The following PCNA variants were observed in gnomAD, a reference collection of about 807,000 sequenced individuals.
PCNA encodes the protein DNA sliding clamp PCNA.
PCNA carries 4 observed loss-of-function variants against 27.8 expected under a neutral mutation model. That is an observed-to-expected ratio of 0.14 (90% confidence interval 0.07 to 0.33). The LOEUF (loss-of-function observed/expected upper bound fraction) is 0.33. Ranked by LOEUF, PCNA falls within the 10% of genes least tolerant of loss-of-function variation. The pLI is 1.00. For missense variants in PCNA, 165 were observed against 327.4 expected (o/e 0.50, Z 3.83); for synonymous variants, 121 against 119.4 (o/e 1.01, Z -0.09).
In PCNA at chr20:5,115,310, G is replaced by C; in HGVS notation, c.759C>G (p.Pro253=). ...AAGATCCTTCTTCATCCTCGATCTT[G>C]GGAGCCAAGTAGTATTTTAAGTGTC... The part of the protein sequence containing the change: ...DMGHLKYYLA[P]KIEDEEGS The change falls in exon 6 of 6, where the codon CCC becomes CCG. Residue 253 remains proline (P), a synonymous_variant. Transcript: ENST00000379143. 6.2e-7 allele frequency: 1 copy of C among 1,613,592 alleles called. No individual in the cohort carries two copies. The highest frequency in any genetic ancestry group is 8.5e-7 in the Non-Finnish European group (1 of 1,179,586).
intron 3 of PCNA, 96 bp downstream of exon 3, chr20:5,118,514 G>A (rs993205611): frequency 1.1e-6 from 1 of 906,432 alleles, no homozygotes; most frequent in Non-Finnish European, 1.7e-6. Context: ...CTGGGCAACA[G>A]AGCCAAGACC....
chr20:5,117,814 C>G, intron 3 of PCNA, 150 bp from the exon 4 acceptor site: 2 of 556,554 alleles, frequency 3.6e-6, no homozygotes, highest in Non-Finnish European at 6.4e-6. Flanking sequence ...TTAACAAACT[C>G]CACTCAAAAA....
chr20:5,121,961 C>CT (rs10712799), upstream of PCNA, among the ~76,000 whole-genome samples: 34 of 143,468 alleles, frequency 2.4e-4, no homozygotes, highest in Admixed American at 5.5e-4. Context: ...CTTAGAATTT[C>CT]TTTTTTTTTT....
In PCNA at chr20:5,119,953, T is replaced by C; in HGVS notation, c.-155A>G. On this transcript the variant is annotated 5_prime_UTR_variant, in exon 1 of 6. Coordinates refer to ENST00000379143, the MANE Select transcript of PCNA (RefSeq NM_182649.2). ...GACCACTCTGCTACGCCTGCAACCGTTTAATGCCGCCGCGTCCGCAAGCGC... is the reference window on the plus strand; with the variant it reads ...GACCACTCTGCTACGCCTGCAACCGCTTAATGCCGCCGCGTCCGCAAGCGC... 1 of 634,274 alleles carries C rather than the reference T, an allele frequency of 1.6e-6. No individual in the cohort carries two copies. Among genetic ancestry groups the C allele is most frequent in the Non-Finnish European group, 2.7e-6 (1 of 364,286 alleles). 39.3% of individuals were successfully genotyped at this position (634,274 alleles called of 1,614,324 possible). A position where few individuals can be genotyped will look rare whatever the true frequency, so the allele number is the denominator to read the frequency against.
chr20:5,120,546 ACT>A (rs1491226135), upstream of PCNA, among the ~76,000 whole-genome samples: 1 of 141,012 alleles, frequency 7.1e-6, no homozygotes, highest in East Asian at 1.9e-4. Flanking sequence ...GTTCGAATAC[ACT>A]TTTTTTTTTT....
At chr20:5,116,343 A>G (rs182103772) in intron 4 of PCNA, among the ~76,000 whole-genome samples, 3 of 152,120 alleles carry the variant, frequency 2.0e-5, no homozygotes, top group African/African-American at 7.2e-5. Flanking sequence ...ACAAAGAAAA[A>G]CAGAAAAAGA....
rs539403775 is a variant in PCNA at position 5,117,819 on chromosome 20, C to T, written c.388-155G>A. Among the ~76,000 whole-genome samples the T allele has an allele frequency of 7.7e-4, 118 of 152,264 alleles. No individual in the cohort carries two copies. In the Middle Eastern group the frequency reaches 0.01, roughly 13 times the overall value. The stretch of plus-strand genomic sequence containing the variant: ...GCGTAATTTCTTAACAAACTCCACT[C>T]AAAAAAATAAATGGCTATTAAATGC... On this transcript the variant is annotated intron_variant, in intron 3 of 5. Coordinates refer to ENST00000379143, the MANE Select transcript of PCNA (RefSeq NM_182649.2).
In PCNA at chr20:5,119,870, G is replaced by T; in HGVS notation, c.-72C>A. On this transcript the variant is annotated 5_prime_UTR_variant, in exon 1 of 6. Coordinates refer to ENST00000379143, the MANE Select transcript of PCNA (RefSeq NM_182649.2). ...AAAGTCTAGCTGGTTTCGGCTTCAG[G>T]AGCCTCAGAGCGAGCGGGCGAACGT... 1.6e-6 allele frequency: 2 copies of T among 1,228,996 alleles called. No individual in the cohort carries two copies. Among genetic ancestry groups the T allele is most frequent in the Non-Finnish European group, 2.3e-6 (2 of 863,454 alleles). The allele number at this position is 1,228,996 out of a possible 1,614,324, so 76.1% of individuals were successfully genotyped here. A position where few individuals can be genotyped will look rare whatever the true frequency, so the allele number is the denominator to read the frequency against.
Position 5,118,755 on chromosome 20 carries a change from A to C in PCNA, c.319+14T>G, listed in dbSNP as rs1191116070. 6.2e-7 allele frequency: 1 copy of C among 1,612,110 alleles called. No individual in the cohort carries two copies. Among genetic ancestry groups the C allele is most frequent in the African/African-American group, 1.3e-5 (1 of 74,896 alleles). On this transcript the variant is annotated intron_variant, in intron 2 of 5. Coordinates refer to ENST00000379143, the MANE Select transcript of PCNA (RefSeq NM_182649.2). ...TTCTGTAGCTTCGTGACTCGGTAAA[A>C]AGGTACGACTTACTTGGTGCTTCAA...
upstream of PCNA, among the ~76,000 whole-genome samples, chr20:5,123,199 C>T (rs936570201): frequency 2.0e-5 from 3 of 152,130 alleles, no homozygotes; most frequent in Non-Finnish European, 2.9e-5. Context: ...TGCAGAGAGG[C>T]TGGGGTGAGC....
intron 1 of PCNA, 49 bp downstream of exon 1, chr20:5,119,529 C>G: frequency 6.7e-7 from 1 of 1,485,060 alleles, no homozygotes; most frequent in Non-Finnish European, 9.3e-7. Context: ...CGCCAAGCAC[C>G]GGAGGTGCAG....
chr20:5,115,411 G>T, intron 5 of PCNA, 38 bp downstream of exon 5: 1 of 1,613,542 alleles, frequency 6.2e-7, no homozygotes, highest in South Asian at 1.1e-5. Flanking sequence ...TATCACATAT[G>T]ACTACCTACA....
At position 5,115,268 on chromosome 20, in the gene PCNA, G is replaced by C. The variant is rs775582825; in HGVS notation, c.*15C>G. The C allele has an allele frequency of 6.2e-7, 1 of 1,602,750 alleles. No individual in the cohort carries two copies. Among genetic ancestry groups the C allele is most frequent in the Admixed American group, 1.7e-5 (1 of 59,846 alleles). ...TCAAAGAGCTTAGTTTTATTTTCTT[G>C]AATTTTAAGAATGCCTAAGATCCTT... On this transcript the variant is annotated 3_prime_UTR_variant, in exon 6 of 6. Coordinates refer to ENST00000379143, the MANE Select transcript of PCNA (RefSeq NM_182649.2).
intron 4 of PCNA, 86 bp downstream of exon 4, chr20:5,117,380 TTCTG>T (rs1471130211): frequency 3.9e-5 from 34 of 878,328 alleles, no homozygotes; most frequent in East Asian, 3.1e-4. Flanking sequence ...TGGGATCCAA[TTCTG>T]TCTACTTTTA....
chr20:5,124,555 G>C (rs910314508), upstream of PCNA, among the ~76,000 whole-genome samples: 1 of 150,180 alleles, frequency 6.7e-6, no homozygotes, highest in African/African-American at 2.5e-5. Flanking sequence ...GCTTGAACCT[G>C]GGAGGCGGAG....
rs1019580448 is a variant in PCNA at position 5,119,945 on chromosome 20, T to C, written c.-147A>G. 7 of 648,926 alleles carry C rather than the reference T, an allele frequency of 1.1e-5. No individual in the cohort carries two copies. In the Admixed American group the frequency reaches 1.6e-4, roughly 15 times the overall value. 40.2% of individuals were successfully genotyped at this position (648,926 alleles called of 1,614,324 possible). ...AAGACAACGACCACTCTGCTACGCC[T>C]GCAACCGTTTAATGCCGCCGCGTCC... On this transcript the variant is annotated 5_prime_UTR_variant, in exon 1 of 6. Transcript: ENST00000379143.
rs897607223 is a variant in PCNA at position 5,118,513 on chromosome 20, A to C, written c.387+97T>G. The C allele has an allele frequency of 1.9e-5, 17 of 896,934 alleles. 1 individual carries two copies. The South Asian group carries it at 2.5e-4, about 13-fold the overall frequency. 55.6% of individuals were successfully genotyped at this position (896,934 alleles called of 1,614,324 possible). A position where few individuals can be genotyped will look rare whatever the true frequency, so the allele number is the denominator to read the frequency against. ...ACTACTGCACTCCAGCCTGGGCAAC[A>C]GAGCCAAGACCCTGTCTGTAAAAAT... On this transcript the variant is annotated intron_variant, in intron 3 of 5. Coordinates refer to ENST00000379143, the MANE Select transcript of PCNA (RefSeq NM_182649.2).
Position 5,119,830 on chromosome 20 carries a change from C to A in PCNA, c.-32G>T. Reference sequence around the variant, plus strand: ...GGAGTGGCAACAACGCCGCTACAGGCAGGCGGGAAGGAGGAAAGTCTAGCT... The same window carrying A: ...GGAGTGGCAACAACGCCGCTACAGGAAGGCGGGAAGGAGGAAAGTCTAGCT... On this transcript the variant is annotated 5_prime_UTR_variant, in exon 1 of 6. Coordinates refer to ENST00000379143, the MANE Select transcript of PCNA (RefSeq NM_182649.2). 1 of 1,517,884 alleles carries A rather than the reference C, an allele frequency of 6.6e-7. No individual in the cohort carries two copies. Among genetic ancestry groups the A allele is most frequent in the East Asian group, 2.4e-5 (1 of 40,950 alleles). 94.0% of individuals were successfully genotyped at this position (1,517,884 alleles called of 1,614,324 possible).
upstream of PCNA, chr20:5,120,128 G>C: frequency 3.1e-6 from 1 of 319,138 alleles, no homozygotes; most frequent in African/African-American, 2.2e-5. Flanking sequence ...GGGCGGGGCA[G>C]CGTCGCGCAG....
Sources: gnomAD v4.1 joint callset for allele counts (sites outside exome capture counted in the v4.1 genomes callset) on GRCh38, gnomAD v4.1.1 for gene constraint, MANE v1.5 for transcripts, NCBI Gene and HGNC (gene_info 2026-07-23, HGNC 2026-07-21) for gene names.